MYO10: variants seen among roughly 807,000 people sequenced by gnomAD.
MYO10 encodes the protein myosin X.
In MYO10, 133 loss-of-function variants were observed where a neutral mutation model predicts 257.3. The observed-to-expected ratio is 0.52, with a 90% CI of 0.45 to 0.60. The LOEUF (loss-of-function observed/expected upper bound fraction) is 0.60, where lower values mean the gene tolerates loss of function less well. MYO10 is among the 20% of genes least tolerant of loss of function. MYO10 has a pLI of 0.00. For missense variants in MYO10, 2,399 were observed against 2,635.7 expected, an observed-to-expected ratio of 0.91 and a Z score of 1.97; for synonymous variants, 1,104 against 1,028.6, an observed-to-expected ratio of 1.07 and a Z score of -1.40.
chr5:16,724,149 G>T (rs1181399548), intron 19 of MYO10, among the ~76,000 whole-genome samples: 1 of 152,132 alleles, frequency 6.6e-6, no homozygotes, highest in Admixed American at 6.5e-5. Context: ...CACTAAACAG[G>T]GTGAGGGAAA....
In MYO10 at chr5:16,711,245, T is replaced by C; in HGVS notation, c.1930A>G (p.Met644Val). 6.4e-7 allele frequency: 1 copy of C among 1,553,438 alleles called. No homozygotes were observed. The highest frequency in any genetic ancestry group is 8.7e-7 in the Non-Finnish European group (1 of 1,152,626). ...ACCGCCTGGTCAAACTGGTCTGGCA[T>C]CTAAACCATGCAAAAAAAAAAGATG... ...VRCIKPNMQK[M>V]PDQFDQAVVL... The change falls in exon 20 of 41, where the codon ATG becomes GTG. Residue 644 changes from methionine to valine, a missense_variant and splice_region_variant. Transcript: ENST00000513610.
intron 1 of MYO10, among the ~76,000 whole-genome samples, chr5:16,919,041 C>T (rs1414239967): frequency 6.6e-6 from 1 of 152,034 alleles, no homozygotes; most frequent in Non-Finnish European, 1.5e-5. Flanking sequence ...AATATGCATT[C>T]CTGAAGATTT....
chr5:16,891,302 A>G (rs1316105708), intron 1 of MYO10, among the ~76,000 whole-genome samples: 1 of 120,354 alleles, frequency 8.3e-6, no homozygotes, highest in Non-Finnish European at 1.8e-5. Flanking sequence ...CTTGAAAGAG[A>G]GAGAAAAGGA....
chr5:16,742,228 T>A lies in MYO10; in HGVS notation c.1929+12600A>T, dbSNP rs1266513712. 3.0e-6 allele frequency: 3 copies of A among 985,432 alleles called. No homozygotes were observed. The African/African-American group carries it at 5.2e-5, about 17-fold the overall frequency. 61.0% of individuals were successfully genotyped at this position (985,432 alleles called of 1,614,324 possible). A position where few individuals can be genotyped will look rare whatever the true frequency, so the allele number is the denominator to read the frequency against. Reference sequence around the variant, plus strand: ...AGAGAACAAGAACAGCACTCTTTGCTGGTGCTGAGCTTCACTCGCTGCAAT... The same window carrying A: ...AGAGAACAAGAACAGCACTCTTTGCAGGTGCTGAGCTTCACTCGCTGCAAT... On this transcript the variant is annotated intron_variant, in intron 19 of 40. Transcript: ENST00000513610.
At chr5:16,853,031 C>G (rs1743852807) in intron 2 of MYO10, among the ~76,000 whole-genome samples, 1 of 152,212 alleles carries the variant, frequency 6.6e-6, no homozygotes, top group Middle Eastern at 3.4e-3. Flanking sequence ...CAATATTAGT[C>G]ACTACCTAAA....
At chr5:16,865,317 C>G (rs1004022255) in intron 2 of MYO10, among the ~76,000 whole-genome samples, 1 of 152,132 alleles carries the variant, frequency 6.6e-6, no homozygotes, top group African/African-American at 2.4e-5. Flanking sequence ...CCACCCACCC[C>G]GATATTCATA....
At chr5:16,681,650 G>T in intron 31 of MYO10, 147 bp from the exon 32 acceptor site, 1 of 1,070,336 alleles carries the variant, frequency 9.3e-7, no homozygotes, top group Non-Finnish European at 1.3e-6. Flanking sequence ...GATGTAAATG[G>T]AACGACTACA....
rs2126496316 is a variant in MYO10 at position 16,681,319 on chromosome 5, G to T, written c.4374C>A (p.Phe1458Leu). Residue 1458 changes from phenylalanine to leucine, a missense_variant, in exon 32 of 41, where the codon TTC becomes TTA. Around this residue, in one of 3 missense-constraint regions of MYO10, gnomAD observed 1,820 missense variants for 1,939.4 expected, o/e 0.94. Transcript: ENST00000513610. ...CSVVPPDEKI[F>L]KETGYWNVTV... The stretch of plus-strand genomic sequence containing the variant: ...AGCCAGCCTGGTTACCTGTCTCTTT[G>T]AATATCTTCTCATCTGGGGGGACGA... The T allele has an allele frequency of 6.2e-7, 1 of 1,608,530 alleles. No individual in the cohort carries two copies. The highest frequency in any genetic ancestry group is 1.7e-5 in the Admixed American group (1 of 58,450).
At chr5:16,808,740 C>T (rs1209163194) in intron 3 of MYO10, among the ~76,000 whole-genome samples, 2 of 152,142 alleles carry the variant, frequency 1.3e-5, no homozygotes, top group Non-Finnish European at 2.9e-5. Context: ...GGCACAATCT[C>T]GGCTCACTGC....
chr5:16,704,280 G>A (rs556312633), intron 22 of MYO10, among the ~76,000 whole-genome samples: 4 of 152,160 alleles, frequency 2.6e-5, no homozygotes, highest in South Asian at 2.1e-4. Context: ...AGCCATGATC[G>A]TGCCACCACA....
chr5:16,863,830 G>A (rs1290095735), intron 2 of MYO10, among the ~76,000 whole-genome samples: 3 of 152,320 alleles, frequency 2.0e-5, no homozygotes, highest in African/African-American at 4.8e-5. Context: ...AGGTGCGGTG[G>A]CTCATGCCTG....
Position 16,681,324 on chromosome 5 carries a change from T to C in MYO10, c.4369A>G (p.Ile1457Val). 6.2e-7 allele frequency: 1 copy of C among 1,607,848 alleles called. No homozygotes were observed. Among genetic ancestry groups the C allele is most frequent in the African/African-American group, 1.3e-5 (1 of 74,550 alleles). ...LCSVVPPDEK[I>V]FKETGYWNVT... Reference sequence around the variant, plus strand: ...GCCTGGTTACCTGTCTCTTTGAATATCTTCTCATCTGGGGGGACGACAGAG... The same window carrying C: ...GCCTGGTTACCTGTCTCTTTGAATACCTTCTCATCTGGGGGGACGACAGAG... Residue 1457 changes from isoleucine (I) to valine (V), a missense_variant, in exon 32 of 41, where the codon ATA becomes GTA. By Grantham distance (29) the Ile-to-Val change is conservative (BLOSUM62 3). Around this residue, in one of 3 missense-constraint regions of MYO10, gnomAD observed 1,820 missense variants for 1,939.4 expected, o/e 0.94. Coordinates refer to ENST00000513610, the MANE Select transcript of MYO10 (RefSeq NM_012334.3).
chr5:16,804,247 T>C (rs1041570545), intron 3 of MYO10, among the ~76,000 whole-genome samples: 2 of 152,208 alleles, frequency 1.3e-5, no homozygotes, highest in African/African-American at 2.4e-5. Flanking sequence ...ACTCCCTTCA[T>C]CTGTGCTGTC....
chr5:16,718,868 T>A (rs1437379378), intron 19 of MYO10, among the ~76,000 whole-genome samples: 1 of 152,178 alleles, frequency 6.6e-6, no homozygotes, highest in Non-Finnish European at 1.5e-5. Context: ...ATCTAACTAA[T>A]CTGATGGGGA....
intron 22 of MYO10, 98 bp from the exon 23 acceptor site, chr5:16,703,256 C>G: frequency 2.2e-6 from 2 of 912,556 alleles, no homozygotes; most frequent in South Asian, 3.5e-5. Context: ...AAAGAGGACC[C>G]AGTTTTAGAA....
intron 2 of MYO10, among the ~76,000 whole-genome samples, chr5:16,876,743 C>T (rs1296328424): frequency 1.3e-5 from 2 of 152,062 alleles, no homozygotes; most frequent in African/African-American, 2.4e-5. Flanking sequence ...TTAGTAGAGA[C>T]GGGGTTTCAC....
rs909610302 is a variant in MYO10, at chr5:16,817,958, C to G, written c.279+51G>C. 4.6e-6 allele frequency: 6 copies of G among 1,307,526 alleles called. No individual in the cohort carries two copies. The Admixed American group carries it at 1.7e-4, about 38-fold the overall frequency. 81.0% of individuals were successfully genotyped at this position (1,307,526 alleles called of 1,614,324 possible). On this transcript the variant is annotated intron_variant, in intron 3 of 40. Coordinates refer to ENST00000513610, the MANE Select transcript of MYO10 (RefSeq NM_012334.3). ...AATACTCTCTGAAAACAAAAATAAG[C>G]ATTCACTCAAACGTGAGGATCTTTT...
chr5:16,912,799 C>T (rs1283280122), intron 1 of MYO10, among the ~76,000 whole-genome samples: 1 of 137,748 alleles, frequency 7.3e-6, no homozygotes, highest in African/African-American at 2.8e-5. Context: ...CACCTACCAC[C>T]CTGCACACAC....
chr5:16,856,452 A>G (rs375474912), intron 2 of MYO10, among the ~76,000 whole-genome samples: 1 of 152,038 alleles, frequency 6.6e-6, no homozygotes. Context: ...CAGGAGGCCA[A>G]GGCAGGAGAA....
Sources: gnomAD v4.1 joint callset for allele counts (sites outside exome capture counted in the v4.1 genomes callset) on GRCh38, gnomAD v4.1.1 for gene constraint, gnomAD v4.1.1 regional missense constraint, MANE v1.5 for transcripts, NCBI Gene and HGNC (gene_info 2026-07-23, HGNC 2026-07-21) for gene names.